The following FAM162B variants were observed in gnomAD, a reference collection of about 807,000 sequenced individuals.
FAM162B encodes protein FAM162B.
A neutral mutation model predicts 20.0 loss-of-function variants in FAM162B; 16 were observed. The ratio of observed to expected loss-of-function variants is 0.80; its 90% confidence interval spans 0.54 to 1.21. The LOEUF is 1.21. Among genes scored for constraint, FAM162B ranks in the 50% most tolerant of loss-of-function variants. The pLI is 0.00. For missense variants in FAM162B, 260 were observed against 227.5 expected, an observed-to-expected ratio of 1.14 and a Z score of -0.92; for synonymous variants, 83 against 89.7, an observed-to-expected ratio of 0.93 and a Z score of 0.42.
chr6:116,763,431 T>C (rs1368418065), intron 2 of FAM162B, among the ~76,000 whole-genome samples: 1 of 152,170 alleles, frequency 6.6e-6, no homozygotes, highest in Non-Finnish European at 1.5e-5. Context: ...GGAATATCTC[T>C]CTTAAATAGT....
intron 2 of FAM162B, among the ~76,000 whole-genome samples, chr6:116,763,264 A>G (rs755189793): frequency 2.8e-4 from 43 of 152,282 alleles, no homozygotes; most frequent in Admixed American, 5.2e-4. Context: ...TTAATCTATT[A>G]TAACAAATTA....
chr6:116,759,422 TC>T (rs2114550435), intron 3 of FAM162B, among the ~76,000 whole-genome samples: 1 of 149,108 alleles, frequency 6.7e-6, no homozygotes, highest in Non-Finnish European at 1.5e-5. Context: ...CTGCGTAGCC[TC>T]CCGAGTAGCT....
At chr6:116,759,553 C>T (rs1048508043) in intron 3 of FAM162B, among the ~76,000 whole-genome samples, 4 of 151,898 alleles carry the variant, frequency 2.6e-5, no homozygotes, top group Non-Finnish European at 5.9e-5. Flanking sequence ...GTGATCCGCC[C>T]GCCTCGGCCT....
chr6:116,752,515 G>A lies in FAM162B; in HGVS notation c.*82C>T, dbSNP rs1035789232. On this transcript the variant is annotated 3_prime_UTR_variant, in exon 4 of 4. Coordinates refer to ENST00000368557, the MANE Select transcript of FAM162B (RefSeq NM_001085480.3). The stretch of plus-strand genomic sequence containing the variant: ...AAAATAAAACCATGGCAGATATTTT[G>A]GTAAATATTCTATTTTTCCCATCTT... The A allele has an allele frequency of 2.7e-5, 16 of 599,830 alleles. No individual in the cohort carries two copies. In the South Asian group the frequency reaches 4.6e-4, roughly 17 times the overall value. The allele number at this position is 599,830 out of a possible 1,614,324, so 37.2% of individuals were successfully genotyped here. A position where few individuals can be genotyped will look rare whatever the true frequency, so the allele number is the denominator to read the frequency against.
intron 3 of FAM162B, among the ~76,000 whole-genome samples, chr6:116,758,222 A>C (rs1019487223): frequency 1.3e-5 from 2 of 152,186 alleles, no homozygotes; most frequent in African/African-American, 4.8e-5. Flanking sequence ...TAAGACTGGA[A>C]ACTGCTCCTT....
intron 3 of FAM162B, among the ~76,000 whole-genome samples, chr6:116,759,358 G>A (rs1232573426): frequency 2.0e-5 from 3 of 148,310 alleles, no homozygotes; most frequent in African/African-American, 7.5e-5. Flanking sequence ...CTGGAGTGCA[G>A]TGGCACAATC....
chr6:116,762,567 C>G (rs910878099), intron 2 of FAM162B, among the ~76,000 whole-genome samples: 1 of 151,850 alleles, frequency 6.6e-6, no homozygotes, highest in Non-Finnish European at 1.5e-5. Context: ...ACATGCTACC[C>G]CCAAAAGACA....
intron 3 of FAM162B, among the ~76,000 whole-genome samples, chr6:116,757,573 C>T (rs1780066300): frequency 6.6e-6 from 1 of 151,826 alleles, no homozygotes; most frequent in African/African-American, 2.4e-5. Context: ...ATGGCAAAAA[C>T]TCATTTCTAC....
At chr6:116,762,976 G>A (rs1208912098) in intron 2 of FAM162B, among the ~76,000 whole-genome samples, 1 of 151,790 alleles carries the variant, frequency 6.6e-6, no homozygotes, top group Non-Finnish European at 1.5e-5. Flanking sequence ...TTTAAATAGA[G>A]TGTAGTTACA....
intron 3 of FAM162B, among the ~76,000 whole-genome samples, chr6:116,757,897 A>G (rs1486895103): frequency 1.3e-5 from 2 of 152,194 alleles, no homozygotes; most frequent in African/African-American, 4.8e-5. Flanking sequence ...AGACGGAATG[A>G]GACAGGAAAT....
At chr6:116,762,197 G>T in intron 2 of FAM162B, 112 bp from the exon 3 acceptor site, 1 of 766,876 alleles carries the variant, frequency 1.3e-6, no homozygotes, top group South Asian at 2.7e-5. Flanking sequence ...AATGCAAACT[G>T]CATTTGGTGA....
intron 3 of FAM162B, among the ~76,000 whole-genome samples, chr6:116,759,887 G>A (rs563002962): frequency 2.5e-4 from 38 of 151,778 alleles, no homozygotes; most frequent in Non-Finnish European, 5.1e-4. Flanking sequence ...TCCTTCCCCC[G>A]GTCTTCTCAT....
rs540466523 is a variant in FAM162B, at chr6:116,764,693, C to G, written c.281+454G>C. ...GATGCGTCTTTTTTCCAGAGACCCCCCCGCCACAGCCGCCCCGCAAGCCAA... is the reference window on the plus strand; with the variant it reads ...GATGCGTCTTTTTTCCAGAGACCCCGCCGCCACAGCCGCCCCGCAAGCCAA... On this transcript the variant is annotated intron_variant, in intron 2 of 3. Coordinates refer to ENST00000368557, the MANE Select transcript of FAM162B (RefSeq NM_001085480.3). Among the ~76,000 whole-genome samples, 297 of 152,218 alleles carry G rather than the reference C, an allele frequency of 2.0e-3. 1 individual carries two copies. The highest frequency in any genetic ancestry group is 6.8e-3 in the Middle Eastern group (2 of 294).
intron 3 of FAM162B, among the ~76,000 whole-genome samples, chr6:116,758,576 T>C (rs947282914): frequency 6.6e-6 from 1 of 152,198 alleles, no homozygotes; most frequent in Non-Finnish European, 1.5e-5. Flanking sequence ...AAACTTTATA[T>C]GATTAAATTT....
chr6:116,765,109 G>C (rs760311670), intron 2 of FAM162B, 38 bp downstream of exon 2: 1 of 1,600,136 alleles, frequency 6.2e-7, no homozygotes. Flanking sequence ...TTGCGGCCGG[G>C]GACCGACTCT....
intron 3 of FAM162B, among the ~76,000 whole-genome samples, chr6:116,755,482 C>T (rs1394920750): frequency 1.3e-5 from 2 of 152,200 alleles, no homozygotes; most frequent in Non-Finnish European, 2.9e-5. Context: ...AAGAAGCTGT[C>T]TCCATAACAA....
intron 3 of FAM162B, among the ~76,000 whole-genome samples, chr6:116,757,778 G>C (rs569533645): frequency 6.6e-6 from 1 of 151,630 alleles, no homozygotes; most frequent in Admixed American, 6.6e-5. Context: ...AAAGGGGTGG[G>C]GTGGGGAGAC....
In FAM162B at chr6:116,765,568, C is replaced by T; in HGVS notation, c.9G>A (p.Arg3=). The stretch of plus-strand genomic sequence containing the variant: ...CAAGGCGCAGTAGGCTCCCGACCGC[C>T]CTGAGCATGCTGCCCGCTTGTCCCG... ML[R]AVGSLLRLGR... The change falls in exon 1 of 4, where the codon AGG becomes AGA. Residue 3 remains arginine (R), a synonymous_variant. Coordinates refer to ENST00000368557, the MANE Select transcript of FAM162B (RefSeq NM_001085480.3). 1 of 1,353,864 alleles carries T rather than the reference C, an allele frequency of 7.4e-7. No individual in the cohort carries two copies. The highest frequency in any genetic ancestry group is 9.4e-7 in the Non-Finnish European group (1 of 1,061,422). The allele number at this position is 1,353,864 out of a possible 1,614,324, so 83.9% of individuals were successfully genotyped here.
At chr6:116,758,961 C>T (rs1386466200) in intron 3 of FAM162B, among the ~76,000 whole-genome samples, 1 of 152,022 alleles carries the variant, frequency 6.6e-6, no homozygotes, top group Non-Finnish European at 1.5e-5. Context: ...GCTAGTCCTC[C>T]CTTAGAACTA....
Sources: gnomAD v4.1 joint callset for allele counts (sites outside exome capture counted in the v4.1 genomes callset) on GRCh38, gnomAD v4.1.1 for gene constraint, MANE v1.5 for transcripts, NCBI Gene and HGNC (gene_info 2026-07-23, HGNC 2026-07-21) for gene names.